Variants in N4BP2L1 observed in about 807,000 individuals in gnomAD.
N4BP2L1 encodes NEDD4 binding protein 2 like 1.
Under a neutral mutation model 21.2 loss-of-function variants are expected in N4BP2L1, and 12 were observed. That is an observed-to-expected ratio of 0.57 (90% CI 0.36 to 0.92). N4BP2L1 has a LOEUF of 0.92. Among genes scored for constraint, N4BP2L1 ranks in the 40% least tolerant of loss-of-function variants. N4BP2L1 has a pLI of 0.01. For synonymous variants in N4BP2L1, 104 were observed against 112.8 expected (o/e 0.92, Z 0.49); for missense variants, 259 against 310.6 (o/e 0.83, Z 1.25).
chr13:32,427,006 G>C (rs1172309189), intron 1 of N4BP2L1, among the ~76,000 whole-genome samples: 1 of 152,172 alleles, frequency 6.6e-6, no homozygotes, highest in African/African-American at 2.4e-5. Context: ...TGGTTTACAG[G>C]AGATAAAAAC....
chr13:32,413,617 A>G (rs1443295634), intron 1 of N4BP2L1, among the ~76,000 whole-genome samples: 1 of 152,108 alleles, frequency 6.6e-6, no homozygotes, highest in Admixed American at 6.5e-5. Context: ...ATTAACTAAT[A>G]TGGGGGACAA....
chr13:32,422,499 TCTTC>T (rs2074539475), intron 1 of N4BP2L1, among the ~76,000 whole-genome samples: 1 of 152,192 alleles, frequency 6.6e-6, no homozygotes. Flanking sequence ...CTTCCCCTAT[TCTTC>T]CTTCCTTCAT....
Position 32,411,665 on chromosome 13 carries a change from C to T in N4BP2L1, c.180-3893G>A, listed in dbSNP as rs1157797233. The T allele has an allele frequency of 7.1e-6, 7 of 985,014 alleles. No homozygotes were observed. The African/African-American group carries it at 1.2e-4, about 17-fold the overall frequency. The allele number at this position is 985,014 out of a possible 1,614,324, so 61.0% of individuals were successfully genotyped here. ...AGAAAGATAATTAATTCCATATAACCTTCACCTCCCACAACCCCCGCTCAA... is the reference window on the plus strand; with the variant it reads ...AGAAAGATAATTAATTCCATATAACTTTCACCTCCCACAACCCCCGCTCAA... On this transcript the variant is annotated intron_variant, in intron 1 of 4. Coordinates refer to ENST00000380130, the MANE Select transcript of N4BP2L1 (RefSeq NM_052818.3).
At position 32,428,102 on chromosome 13, in the gene N4BP2L1, G is replaced by A. The variant is rs2138047541; in HGVS notation, c.-20C>T. The A allele has an allele frequency of 2.1e-6, 3 of 1,434,904 alleles. No homozygotes were observed. The highest frequency in any genetic ancestry group is 5.5e-5 in the East Asian group (2 of 36,540). The allele number at this position is 1,434,904 out of a possible 1,614,324, so 88.9% of individuals were successfully genotyped here. On this transcript the variant is annotated 5_prime_UTR_variant, in exon 1 of 5. Coordinates refer to ENST00000380130, the MANE Select transcript of N4BP2L1 (RefSeq NM_052818.3). ...CTCCATGGGCAGGAGGGCTGGCTGCGAGAGCCCCGGGTTCCCTTTACTGAA... is the reference window on the plus strand; with the variant it reads ...CTCCATGGGCAGGAGGGCTGGCTGCAAGAGCCCCGGGTTCCCTTTACTGAA...
chr13:32,428,033 T>G lies in N4BP2L1; in HGVS notation c.50A>C (p.Gln17Pro). The G allele has an allele frequency of 6.4e-7, 1 of 1,552,072 alleles. No individual in the cohort carries two copies. Residue 17 changes from glutamine (Q) to proline (P), a missense_variant, in exon 1 of 5, where the codon CAG (glutamine) becomes CCG (proline). Coordinates refer to ENST00000380130, the MANE Select transcript of N4BP2L1 (RefSeq NM_052818.3). ...CGGCCGCTGCCGCTGCTGCTGCTGC[T>G]GGGGCTGGAGGCTCAGCCTCCCAAA... The part of the protein sequence containing the change: ...QSFGRLSLQP[Q>P]QQQQRQRPPR...
At position 32,403,220 on chromosome 13, in the gene N4BP2L1, A is replaced by C; in HGVS notation, c.474-20T>G. 6.4e-7 allele frequency: 1 copy of C among 1,574,338 alleles called. No homozygotes were observed. The highest frequency in any genetic ancestry group is 8.6e-7 in the Non-Finnish European group (1 of 1,160,160). ...TTTCTTCTACATGGAAAAAAAATGC[A>C]TTTAGTTAAGGCAGGATACCACAAT... is the stretch of plus-strand genomic sequence containing the variant. On this transcript the variant is annotated intron_variant, in intron 4 of 4. Transcript: ENST00000380130.
At chr13:32,428,174 G>GA, upstream of N4BP2L1, 1 of 1,288,330 alleles carries the variant, frequency 7.8e-7, no homozygotes, top group Non-Finnish European at 1.0e-6. Context: ...CTCCGGCCAT[G>GA]TGATGGATAG....
chr13:32,410,269 A>C (rs2073778073), intron 1 of N4BP2L1, among the ~76,000 whole-genome samples: 1 of 152,166 alleles, frequency 6.6e-6, no homozygotes, highest in African/African-American at 2.4e-5. Flanking sequence ...CTCACTCCGC[A>C]GGGCCTGTCA....
Position 32,407,488 on chromosome 13 carries a change from C to A in N4BP2L1, c.308-150G>T, listed in dbSNP as rs779163009. On this transcript the variant is annotated intron_variant, in intron 2 of 4. Transcript: ENST00000380130. ...ACTATCAATCAATAATTTTCTTTCT[C>A]TGGAATCTAAGGAGGTTATGCTCTG... is the stretch of plus-strand genomic sequence containing the variant. 124 of 1,576,710 alleles carry A rather than the reference C, an allele frequency of 7.9e-5. No homozygotes were observed. In the Middle Eastern group the frequency reaches 1.2e-3, roughly 15 times the overall value.
chr13:32,407,731 G>C lies in N4BP2L1; in HGVS notation c.221C>G (p.Thr74Arg). 6.2e-7 allele frequency: 1 copy of C among 1,607,184 alleles called. No individual in the cohort carries two copies. Among genetic ancestry groups the C allele is most frequent in the Non-Finnish European group, 8.5e-7 (1 of 1,177,326 alleles). Reference protein sequence around the residue: ...HDFPRALIFSTDDFFFREDGA... With the variant: ...HDFPRALIFSRDDFFFREDGA... ...ATCTTCCCTGAAGAAAAAATCATCC[G>C]TGCTGAAAATCAGGGCCCTGGGAAA... The change falls in exon 2 of 5, where the codon ACG (threonine) becomes AGG (arginine). Residue 74 changes from threonine to arginine, a missense_variant. Physicochemically the swap from Thr to Arg is moderately conservative, Grantham distance 71. This residue lies in a region of N4BP2L1 where 91 missense variants were observed against 148.1 expected (regional missense o/e 0.61). Coordinates refer to ENST00000380130, the MANE Select transcript of N4BP2L1 (RefSeq NM_052818.3).
intron 3 of N4BP2L1, among the ~76,000 whole-genome samples, chr13:32,405,892 C>CCTTTTTTTTTTTT (rs2073452557): frequency 9.9e-6 from 1 of 101,192 alleles, no homozygotes. Context: ...TTCCTGCCCC[C>CCTTTTTTTTTTTT]TTTTTTTTTT....
intron 1 of N4BP2L1, among the ~76,000 whole-genome samples, chr13:32,409,882 T>C (rs1429311155): frequency 6.6e-6 from 1 of 152,176 alleles, no homozygotes; most frequent in Non-Finnish European, 1.5e-5. Context: ...AAATCATCTT[T>C]GAAACACTGT....
chr13:32,427,020 T>A (rs367877210), intron 1 of N4BP2L1, among the ~76,000 whole-genome samples: 16 of 152,220 alleles, frequency 1.1e-4, no homozygotes, highest in African/African-American at 3.6e-4. Flanking sequence ...TAAAAACAGT[T>A]CGAAGTTGCT....
intron 2 of N4BP2L1, 145 bp from the exon 3 acceptor site, chr13:32,407,483 T>C: frequency 6.3e-7 from 1 of 1,576,504 alleles, no homozygotes; most frequent in Non-Finnish European, 8.6e-7. Context: ...AATAATTTTC[T>C]TTCTCTGGAA....
intron 1 of N4BP2L1, among the ~76,000 whole-genome samples, chr13:32,409,070 C>A (rs1268784569): frequency 6.6e-6 from 1 of 152,298 alleles, no homozygotes; most frequent in African/African-American, 2.4e-5. Context: ...GTTATAATAA[C>A]AATGAGGCCA....
Position 32,402,901 on chromosome 13 carries a change from AACTG to A in N4BP2L1, c.*37_*40del, listed in dbSNP as rs1396223009. 5 of 1,520,650 alleles carry A rather than the reference AACTG, an allele frequency of 3.3e-6. No individual in the cohort carries two copies. In the African/African-American group the frequency reaches 6.9e-5, roughly 21 times the overall value. The allele number at this position is 1,520,650 out of a possible 1,614,324, so 94.2% of individuals were successfully genotyped here. A position where few individuals can be genotyped will look rare whatever the true frequency, so the allele number is the denominator to read the frequency against. On this transcript the variant is annotated 3_prime_UTR_variant, in exon 5 of 5. Coordinates refer to ENST00000380130, the MANE Select transcript of N4BP2L1 (RefSeq NM_052818.3). ...AAAAAATAACAAAAACTGAAGTAGA[AACTG>A]ACTTAGGAAAATTCTGCCTGGCTGT...
chr13:32,422,670 T>A (rs1392481145), intron 1 of N4BP2L1, among the ~76,000 whole-genome samples: 1 of 152,164 alleles, frequency 6.6e-6, no homozygotes, highest in South Asian at 2.1e-4. Flanking sequence ...GCCTCTCCAA[T>A]GAGCAAGAAC....
upstream of N4BP2L1, among the ~76,000 whole-genome samples, chr13:32,429,434 A>G (rs1351704593): frequency 6.6e-6 from 1 of 152,256 alleles, no homozygotes; most frequent in East Asian, 1.9e-4. Flanking sequence ...GGAACAGAAA[A>G]TATACATAAA....
chr13:32,418,992 G>T (rs1284290929), intron 1 of N4BP2L1, among the ~76,000 whole-genome samples: 1 of 152,162 alleles, frequency 6.6e-6, no homozygotes, highest in African/African-American at 2.4e-5. Context: ...TTTGGACTTG[G>T]ACTTTTGAGT....
Sources: gnomAD v4.1 joint callset for allele counts (sites outside exome capture counted in the v4.1 genomes callset) on GRCh38, gnomAD v4.1.1 for gene constraint, gnomAD v4.1.1 regional missense constraint, MANE v1.5 for transcripts, NCBI Gene and HGNC (gene_info 2026-07-23, HGNC 2026-07-21) for gene names.